FLYWCH1: variants seen among roughly 807,000 people sequenced by gnomAD.
FLYWCH1 encodes FLYWCH-type zinc finger 1.
A neutral mutation model predicts 66.4 loss-of-function variants in FLYWCH1; 75 were observed. The ratio of observed to expected loss-of-function variants is 1.13; its 90% CI spans 0.94 to 1.37. The LOEUF (loss-of-function observed/expected upper bound fraction) is 1.37. FLYWCH1 is among the 40% of genes most tolerant of loss of function. FLYWCH1 has a pLI of 0.00. For synonymous variants in FLYWCH1, 595 were observed against 429.9 expected, an observed-to-expected ratio of 1.38 and a Z score of -4.75; for missense variants, 1,334 against 1,001.8, an observed-to-expected ratio of 1.33 and a Z score of -4.48.
chr16:2,936,922 C>T (rs1280418139), intron 6 of FLYWCH1, 199 bp from the exon 7 acceptor site: 6 of 721,490 alleles, frequency 8.3e-6, no homozygotes, highest in African/African-American at 1.8e-5. Flanking sequence ...CCTGACCAGT[C>T]CCCAGCCTCA....
At chr16:2,943,029 GCTC>G (rs1207336430) in intron 9 of FLYWCH1, among the ~76,000 whole-genome samples, 4 of 152,052 alleles carry the variant, frequency 2.6e-5, no homozygotes, top group Non-Finnish European at 4.4e-5. Flanking sequence ...CTGGTAAAGA[GCTC>G]CTATGTGGAT....
At chr16:2,926,665 C>T (rs1437895025) in intron 2 of FLYWCH1, among the ~76,000 whole-genome samples, 1 of 152,170 alleles carries the variant, frequency 6.6e-6, no homozygotes, top group Non-Finnish European at 1.5e-5. Context: ...CGGTGCCGCT[C>T]CAAAATCTAT....
intron 2 of FLYWCH1, 145 bp downstream of exon 2, chr16:2,914,434 C>A (rs907310011): frequency 1.3e-4 from 20 of 152,278 alleles, no homozygotes; most frequent in African/African-American, 4.8e-4. Context: ...CTTGTGGTCA[C>A]CAGCAGGACC....
At chr16:2,942,757 C>A (rs1339754357) in intron 9 of FLYWCH1, among the ~76,000 whole-genome samples, 1 of 94,112 alleles carries the variant, frequency 1.1e-5, no homozygotes, top group African/African-American at 4.7e-5. Flanking sequence ...GACGGAGTCT[C>A]ACTCTGTCGC....
chr16:2,944,710 C>A (rs748602479), intron 9 of FLYWCH1, among the ~76,000 whole-genome samples: 44 of 151,846 alleles, frequency 2.9e-4, no homozygotes, highest in Non-Finnish European at 4.7e-4. Flanking sequence ...GTAATCCCAG[C>A]TACTTGGGAG....
At chr16:2,919,608 T>G (rs879697728) in intron 2 of FLYWCH1, among the ~76,000 whole-genome samples, 29 of 152,116 alleles carry the variant, frequency 1.9e-4, no homozygotes, top group Non-Finnish European at 3.7e-4. Context: ...TTGCCCAGAT[T>G]GGCTTCAAAC....
At chr16:2,920,117 A>T (rs553822037) in intron 2 of FLYWCH1, among the ~76,000 whole-genome samples, 1 of 152,298 alleles carries the variant, frequency 6.6e-6, no homozygotes, top group Admixed American at 6.5e-5. Context: ...TAGTCTTAAC[A>T]TTCTGAAATA....
At chr16:2,921,652 C>T (rs965302222) in intron 2 of FLYWCH1, among the ~76,000 whole-genome samples, 5 of 152,126 alleles carry the variant, frequency 3.3e-5, no homozygotes, top group African/African-American at 1.2e-4. Flanking sequence ...GTCCCAGCTA[C>T]TCTGGAGGCT....
chr16:2,938,465 AGGCTGTGGGGCAGAGGCAG>A lies in FLYWCH1; in HGVS notation c.2050+19_2050+37del, dbSNP rs767844411. The A allele has an allele frequency of 6.6e-6, 10 of 1,516,894 alleles. No individual in the cohort carries two copies. The highest frequency in any genetic ancestry group is 1.4e-5 in the African/African-American group (1 of 71,668). 94.0% of individuals were successfully genotyped at this position (1,516,894 alleles called of 1,614,324 possible). ...CCAGCAGGAGGACCCAGGTACAGGC[AGGCTGTGGGGCAGAGGCAG>A]GGCTGTGGGCATCCTCATCTCTTCC... is the stretch of plus-strand genomic sequence containing the variant. On this transcript the variant is annotated intron_variant, in intron 8 of 9. Transcript: ENST00000253928.
intron 9 of FLYWCH1, among the ~76,000 whole-genome samples, chr16:2,940,740 T>C (rs1373469247): frequency 6.6e-6 from 1 of 152,226 alleles, no homozygotes; most frequent in Non-Finnish European, 1.5e-5. Context: ...CCCAGCCTTG[T>C]TATTGGTTTG....
rs1046601344 is a variant in FLYWCH1, at chr16:2,929,964, G to C, written c.279G>C (p.Gln93His). The C allele has an allele frequency of 1.9e-6, 3 of 1,613,010 alleles. No individual in the cohort carries two copies. Among genetic ancestry groups the C allele is most frequent in the Non-Finnish European group, 2.5e-6 (3 of 1,179,508 alleles). ...TTGAGGAGCAGGGAGGGGTGGTCCA[G>C]CCAGCCCTAGAGATGCCTGAACAGA... ...LPVEEQGGVV[Q>H]PALEMPEQKC... is the part of the protein sequence containing the mutation. The change falls in exon 3 of 10, where the codon CAG becomes CAC. Residue 93 changes from glutamine (Q) to histidine (H), a missense_variant. Coordinates refer to ENST00000253928, the MANE Select transcript of FLYWCH1 (RefSeq NM_001308068.2).
rs748711943 is a variant in FLYWCH1, at chr16:2,937,313, C to A, written c.1706C>A (p.Pro569Gln). 4 of 1,602,050 alleles carry A rather than the reference C, an allele frequency of 2.5e-6. No individual in the cohort carries two copies. The East Asian group carries it at 6.8e-5, about 27-fold the overall frequency. Reference sequence around the variant, plus strand: ...GTCATGCGCAGGCACTGCCACCCACCGGACCTGGGCGGCCTGGAGGCCCTG... The same window carrying A: ...GTCATGCGCAGGCACTGCCACCCACAGGACCTGGGCGGCCTGGAGGCCCTG... The part of the protein sequence containing the change: ...VMVMRRHCHP[P>Q]DLGGLEALRQ... Residue 569 changes from proline to glutamine, a missense_variant, in exon 7 of 10, where the codon CCG becomes CAG. Pro to Gln is a moderately conservative substitution (Grantham distance 76). Transcript: ENST00000253928.
intron 9 of FLYWCH1, among the ~76,000 whole-genome samples, chr16:2,942,521 G>A (rs1330961424): frequency 6.6e-6 from 1 of 152,062 alleles, no homozygotes; most frequent in African/African-American, 2.4e-5. Flanking sequence ...GAAAACTACA[G>A]ACCAGTATTT....
At chr16:2,932,790 G>C (rs2070814291) in intron 4 of FLYWCH1, among the ~76,000 whole-genome samples, 1 of 152,040 alleles carries the variant, frequency 6.6e-6, no homozygotes, top group African/African-American at 2.4e-5. Flanking sequence ...GCCCCTCCCG[G>C]TGTAACCTTG....
intron 8 of FLYWCH1, among the ~76,000 whole-genome samples, chr16:2,938,848 G>T (rs545053131): frequency 6.6e-6 from 1 of 151,246 alleles, no homozygotes; most frequent in Non-Finnish European, 1.5e-5. Context: ...TTCTGACCTC[G>T]TGATCCGCCT....
At chr16:2,939,389 G>T (rs1041719391) in intron 8 of FLYWCH1, among the ~76,000 whole-genome samples, 2 of 152,096 alleles carry the variant, frequency 1.3e-5, no homozygotes, top group African/African-American at 4.8e-5. Context: ...CTGGGAGGCG[G>T]AGGTTGCAGT....
At chr16:2,916,190 CAA>C (rs921193764) in intron 2 of FLYWCH1, among the ~76,000 whole-genome samples, 3 of 152,078 alleles carry the variant, frequency 2.0e-5, no homozygotes, top group Non-Finnish European at 4.4e-5. Context: ...CTACTAAAAA[CAA>C]AAGTTAGCTG....
rs1350481565 is a variant in FLYWCH1, at chr16:2,912,083, C to G, written c.-259C>G. ...GCCTGGGTCGCGGGGTCGACGCTCGCTGCTGCAGCGGCAGAGGCTGAAGGA... is the reference window on the plus strand; with the variant it reads ...GCCTGGGTCGCGGGGTCGACGCTCGGTGCTGCAGCGGCAGAGGCTGAAGGA... On this transcript the variant is annotated 5_prime_UTR_variant, in exon 1 of 10. Coordinates refer to ENST00000253928, the MANE Select transcript of FLYWCH1 (RefSeq NM_001308068.2). The G allele has an allele frequency of 6.6e-6, 1 of 152,564 alleles. No homozygotes were observed. The highest frequency in any genetic ancestry group is 1.5e-5 in the Non-Finnish European group (1 of 68,298). 9.5% of individuals were successfully genotyped at this position (152,564 alleles called of 1,614,324 possible). A position where few individuals can be genotyped will look rare whatever the true frequency, so the allele number is the denominator to read the frequency against.
intron 6 of FLYWCH1, 66 bp from the exon 7 acceptor site, chr16:2,937,055 G>C: frequency 8.0e-7 from 1 of 1,244,340 alleles, no homozygotes; most frequent in Non-Finnish European, 1.0e-6. Context: ...GTCTCATCTC[G>C]GGGCCATGCT....
Sources: allele counts gnomAD v4.1 joint callset (sites outside exome capture counted in the v4.1 genomes callset), GRCh38; gene constraint gnomAD v4.1.1; transcripts MANE v1.5; gene names NCBI Gene and HGNC (gene_info 2026-07-23, HGNC 2026-07-21).